ARHGEF37: variants seen among roughly 807,000 people sequenced by gnomAD.
ARHGEF37 encodes the protein Rho guanine nucleotide exchange factor 37.
ARHGEF37 carries 55 observed loss-of-function variants against 71.1 expected under a neutral mutation model. That is an observed-to-expected ratio of 0.77 (90% CI 0.62 to 0.97). The LOEUF (loss-of-function observed/expected upper bound fraction) is 0.97, where lower values mean the gene tolerates loss of function less well. Ranked by LOEUF, ARHGEF37 falls within the 50% of genes least tolerant of loss-of-function variation. The probability of loss-of-function intolerance (pLI) is 0.00; values close to 1 mark genes in which losing one functional copy is unlikely to be tolerated. For missense variants in ARHGEF37, 765 were observed against 836.8 expected, an observed-to-expected ratio of 0.91 and a Z score of 1.06; for synonymous variants, 327 against 350.6, an observed-to-expected ratio of 0.93 and a Z score of 0.75.
upstream of ARHGEF37, among the ~76,000 whole-genome samples, chr5:149,578,919 T>C (rs1763056654): frequency 6.6e-6 from 1 of 152,186 alleles, no homozygotes; most frequent in Admixed American, 6.5e-5. Context: ...GTGGAATTAG[T>C]GGCAGTGCAT....
Position 149,604,556 on chromosome 5 carries a change from A to C in ARHGEF37, c.310+3325A>C, listed in dbSNP as rs150344413. ...AACCCACATGGCTTTTCTTCTCCTC[A>C]GTGCAACTGTGTGCCAGGCCAGGCT... is the stretch of plus-strand genomic sequence containing the variant. On this transcript the variant is annotated intron_variant, in intron 3 of 12. Coordinates refer to ENST00000333677, the MANE Select transcript of ARHGEF37 (RefSeq NM_001001669.3). Among the ~76,000 whole-genome samples, 182 of 152,104 alleles carry C rather than the reference A, an allele frequency of 1.2e-3. 4 individuals are homozygous for C. In the East Asian group the frequency reaches 0.024, roughly 20 times the overall value.
rs746059546 is a variant in ARHGEF37, at chr5:149,627,134, G to A, written c.1523G>A (p.Gly508Glu). Reference protein sequence around the residue: ...VQALLSRYGPGKLYQVTSNIS... With the variant: ...VQALLSRYGPEKLYQVTSNIS... The stretch of plus-strand genomic sequence containing the variant: ...GCTCTCCTGAGCAGGTATGGCCCTG[G>A]GAAGCTGTACCAGGTGACAAGCAAC... Residue 508 changes from glycine (G) to glutamate (E), a missense_variant, in exon 11 of 13, where the codon GGG (glycine) becomes GAG (glutamate). Around this residue, in one of 5 missense-constraint regions of ARHGEF37, gnomAD observed 390 missense variants for 407.4 expected, o/e 0.96. Transcript: ENST00000333677. 6 of 1,614,060 alleles carry A rather than the reference G, an allele frequency of 3.7e-6. No homozygotes were observed. The African/African-American group carries it at 4.0e-5, about 11-fold the overall frequency.
rs1324230090 is a variant in ARHGEF37, at chr5:149,620,362, C to T, written c.903C>T (p.Leu301=). Residue 301 remains leucine, a synonymous_variant, in exon 8 of 13, where the codon CTC becomes CTT. Transcript: ENST00000333677. ...AAYLDNLQAF[L]YFRPHEYNLD... Reference sequence around the variant, plus strand: ...CTTGGTACTGGGTCCAGGCTTTCCTCTACTTCAGGCCGCACGAATACAATC... The same window carrying T: ...CTTGGTACTGGGTCCAGGCTTTCCTTTACTTCAGGCCGCACGAATACAATC... The T allele has an allele frequency of 6.2e-7, 1 of 1,608,510 alleles. No homozygotes were observed. The highest frequency in any genetic ancestry group is 1.1e-5 in the South Asian group (1 of 90,076).
intron 4 of ARHGEF37, 38 bp downstream of exon 4, chr5:149,609,733 A>G: frequency 3.7e-6 from 6 of 1,610,390 alleles, no homozygotes; most frequent in Non-Finnish European, 5.1e-6. Flanking sequence ...CTCCTACCCC[A>G]CTGACCCGGT....
intron 1 of ARHGEF37, among the ~76,000 whole-genome samples, chr5:149,590,483 T>C (rs555483912): frequency 4.9e-4 from 74 of 152,254 alleles, no homozygotes; most frequent in Non-Finnish European, 1.0e-4. Context: ...GGGTTCACCA[T>C]GTTGGTCAGG....
chr5:149,551,663 A>T (rs1762667965), upstream of ARHGEF37: 1 of 151,714 alleles, frequency 6.6e-6, no homozygotes, highest in Non-Finnish European at 1.5e-5. Context: ...GTTACCTGTT[A>T]CTCGCCTCGG....
upstream of ARHGEF37, among the ~76,000 whole-genome samples, chr5:149,578,724 G>A (rs536250883): frequency 1.6e-4 from 25 of 152,280 alleles, no homozygotes; most frequent in African/African-American, 6.0e-4. Context: ...CTTTGGATTA[G>A]TGTCACCGAG....
chr5:149,581,242 G>A (rs888130682), upstream of ARHGEF37, among the ~76,000 whole-genome samples: 12 of 152,218 alleles, frequency 7.9e-5, no homozygotes, highest in Non-Finnish European at 2.9e-5. Context: ...TGACGAGCCC[G>A]CGGAGAAGGT....
At chr5:149,585,423 G>C (rs549231884) in intron 1 of ARHGEF37, among the ~76,000 whole-genome samples, 1 of 152,162 alleles carries the variant, frequency 6.6e-6, no homozygotes, top group Non-Finnish European at 1.5e-5. Context: ...GGAAAGTAAC[G>C]ATGTATTGAT....
At chr5:149,627,826 C>T (rs765572613) in intron 11 of ARHGEF37, among the ~76,000 whole-genome samples, 11 of 152,172 alleles carry the variant, frequency 7.2e-5, no homozygotes, top group East Asian at 1.9e-4. Flanking sequence ...GAGCATCTTC[C>T]GAAGAGGGGT....
intron 1 of ARHGEF37, among the ~76,000 whole-genome samples, chr5:149,570,328 C>T (rs2113245433): frequency 6.6e-6 from 1 of 152,156 alleles, no homozygotes; most frequent in South Asian, 2.1e-4. Flanking sequence ...AATCCCAGCA[C>T]TTTGGGAGGC....
At chr5:149,586,279 T>C (rs189539178) in intron 1 of ARHGEF37, among the ~76,000 whole-genome samples, 302 of 152,322 alleles carry the variant, frequency 2.0e-3, no homozygotes, top group Middle Eastern at 0.017. Flanking sequence ...TTGTTTTTGT[T>C]TTTGAGATGG....
At chr5:149,558,522 T>TAAGA (rs936932662) in intron 1 of ARHGEF37, among the ~76,000 whole-genome samples, 8 of 151,794 alleles carry the variant, frequency 5.3e-5, no homozygotes, top group African/African-American at 1.9e-4. Context: ...ACCAAAAAAA[T>TAAGA]AAGAAAGAAA....
At chr5:149,592,679 T>C (rs533935159) in intron 1 of ARHGEF37, among the ~76,000 whole-genome samples, 32 of 152,292 alleles carry the variant, frequency 2.1e-4, no homozygotes, top group African/African-American at 6.7e-4. Flanking sequence ...ACACAGAAAG[T>C]GTATGTTTTA....
rs533226623 is a variant in ARHGEF37 at position 149,596,079 on chromosome 5, A to G, written c.-11-1680A>G. Reference sequence around the variant, plus strand: ...CAAGTCTCTGGTTCACTGAGTTTCAAATACTGTCTTCCTTACCCACCCCTC... The same window carrying G: ...CAAGTCTCTGGTTCACTGAGTTTCAGATACTGTCTTCCTTACCCACCCCTC... On this transcript the variant is annotated intron_variant, in intron 1 of 12. Coordinates refer to ENST00000333677, the MANE Select transcript of ARHGEF37 (RefSeq NM_001001669.3). Among the ~76,000 whole-genome samples, 3 of 152,010 alleles carry G rather than the reference A, an allele frequency of 2.0e-5. No homozygotes were observed. The East Asian group carries it at 5.8e-4, about 29-fold the overall frequency.
At chr5:149,600,982 A>T in intron 2 of ARHGEF37, 126 bp from the exon 3 acceptor site, 1 of 1,163,788 alleles carries the variant, frequency 8.6e-7, no homozygotes, top group Non-Finnish European at 1.2e-6. Flanking sequence ...GCAAAATTCC[A>T]CTGGGGCAGC....
At chr5:149,566,578 T>A (rs1762903457) in intron 1 of ARHGEF37, among the ~76,000 whole-genome samples, 1 of 146,854 alleles carries the variant, frequency 6.8e-6, no homozygotes, top group African/African-American at 2.5e-5. Context: ...GGGGTATCGT[T>A]ATCACCCCAG....
intron 1 of ARHGEF37, among the ~76,000 whole-genome samples, chr5:149,570,794 T>C (rs1762954040): frequency 6.6e-6 from 1 of 151,324 alleles, no homozygotes; most frequent in South Asian, 2.1e-4. Flanking sequence ...AAGAATCGCT[T>C]GAACCCGGGA....
At chr5:149,567,805 C>T (rs1410908120) in intron 1 of ARHGEF37, among the ~76,000 whole-genome samples, 1 of 152,136 alleles carries the variant, frequency 6.6e-6, no homozygotes, top group Non-Finnish European at 1.5e-5. Context: ...CTTGTACTTT[C>T]TCTACCTTAG....
Sources: gnomAD v4.1 joint callset for allele counts (sites outside exome capture counted in the v4.1 genomes callset) on GRCh38, gnomAD v4.1.1 for gene constraint, gnomAD v4.1.1 regional missense constraint, MANE v1.5 for transcripts, NCBI Gene and HGNC (gene_info 2026-07-23, HGNC 2026-07-21) for gene names.